Variants in GPC6 observed in about 807,000 individuals in gnomAD.
The protein encoded by GPC6 is glypican 6.
Under a neutral mutation model 55.2 loss-of-function variants are expected in GPC6, and 14 were observed. The ratio of observed to expected loss-of-function variants is 0.25; its 90% CI spans 0.17 to 0.40. The LOEUF is 0.40. GPC6 is among the 10% of genes least tolerant of loss of function. GPC6 has a pLI of 1.00. For synonymous variants in GPC6, 278 were observed against 259.6 expected, an observed-to-expected ratio of 1.07 and a Z score of -0.68; for missense variants, 641 against 708.5, an observed-to-expected ratio of 0.90 and a Z score of 1.08.
At chr13:94,396,989 T>C (rs1272643361) in intron 7 of GPC6, among the ~76,000 whole-genome samples, 2 of 152,172 alleles carry the variant, frequency 1.3e-5, no homozygotes, top group East Asian at 3.9e-4. Context: ...ATCTCCTAGA[T>C]TTGCTGTTGG....
At chr13:93,553,310 C>G (rs1875261349) in intron 2 of GPC6, among the ~76,000 whole-genome samples, 1 of 151,590 alleles carries the variant, frequency 6.6e-6, no homozygotes, top group Non-Finnish European at 1.5e-5. Context: ...TTTTTGTATT[C>G]TAAGAATATG....
At chr13:93,779,974 T>C (rs560963713) in intron 2 of GPC6, among the ~76,000 whole-genome samples, 1 of 152,256 alleles carries the variant, frequency 6.6e-6, no homozygotes, top group South Asian at 2.1e-4. Context: ...ATTCTTTTTT[T>C]CCTTATGGAT....
chr13:93,856,286 T>C (rs1387806954), intron 3 of GPC6, among the ~76,000 whole-genome samples: 1 of 151,554 alleles, frequency 6.6e-6, no homozygotes, highest in Non-Finnish European at 1.5e-5. Flanking sequence ...CAGAATATCG[T>C]GACTCCTAAG....
chr13:93,450,288 G>T (rs1423694532), intron 1 of GPC6, among the ~76,000 whole-genome samples: 2 of 152,196 alleles, frequency 1.3e-5, no homozygotes, highest in African/African-American at 4.8e-5. Context: ...AAAATAACAA[G>T]TCAGCCTTTT....
rs937499468 is a variant in GPC6, at chr13:93,263,095, G to T, written c.160+35479G>T. Among the ~76,000 whole-genome samples, 6 of 152,230 alleles carry T rather than the reference G, an allele frequency of 3.9e-5. No individual in the cohort carries two copies. In the East Asian group the frequency reaches 9.7e-4, roughly 25 times the overall value. On this transcript the variant is annotated intron_variant, in intron 1 of 8. Coordinates refer to ENST00000377047, the MANE Select transcript of GPC6 (RefSeq NM_005708.5). ...TGCTACTAATTTTTACAACAAATAT[G>T]GGTGTTCTGGGAACTGTCATGGCAC...
At chr13:93,218,151 T>C in the GPC6 span, among the ~76,000 whole-genome samples, 1 of 150,926 alleles carries the variant, frequency 6.6e-6, no homozygotes, top group Non-Finnish European at 1.5e-5. Flanking sequence ...TTAAAAAATA[T>C]GCACCAGATT....
chr13:93,863,512 T>G (rs1388707028), intron 3 of GPC6, among the ~76,000 whole-genome samples: 1 of 151,748 alleles, frequency 6.6e-6, no homozygotes, highest in Non-Finnish European at 1.5e-5. Context: ...TTCAGACTTT[T>G]AATATTCTCT....
intron 5 of GPC6, among the ~76,000 whole-genome samples, chr13:94,291,013 G>C (rs112757321): frequency 6.6e-6 from 1 of 152,068 alleles, no homozygotes; most frequent in Non-Finnish European, 1.5e-5. Flanking sequence ...CCAATATGGC[G>C]AAACCCCGTC....
At chr13:93,884,098 G>A (rs887388339) in intron 3 of GPC6, among the ~76,000 whole-genome samples, 2 of 152,112 alleles carry the variant, frequency 1.3e-5, no homozygotes, top group African/African-American at 2.4e-5. Flanking sequence ...AAGAAAAGGT[G>A]CAGCTAAATT....
At chr13:93,687,875 T>A (rs1180255232) in intron 2 of GPC6, among the ~76,000 whole-genome samples, 1 of 150,836 alleles carries the variant, frequency 6.6e-6, no homozygotes, top group African/African-American at 2.5e-5. Context: ...TTCAAAGCCT[T>A]AGGATTTTTG....
At chr13:94,315,003 A>C (rs1876448212) in intron 6 of GPC6, among the ~76,000 whole-genome samples, 1 of 152,246 alleles carries the variant, frequency 6.6e-6, no homozygotes, top group Admixed American at 6.5e-5. Context: ...TAACTGTTAA[A>C]GGTAGAAAGC....
At position 93,385,615 on chromosome 13, in the gene GPC6, G is replaced by A. The variant is rs966111361; in HGVS notation, c.160+157999G>A. On this transcript the variant is annotated intron_variant, in intron 1 of 8. Coordinates refer to ENST00000377047, the MANE Select transcript of GPC6 (RefSeq NM_005708.5). Reference sequence around the variant, plus strand: ...CATGTTTAACTCGACAATCTGAAACGTGGAGAAATGACAGTTGGAGAACAC... The same window carrying A: ...CATGTTTAACTCGACAATCTGAAACATGGAGAAATGACAGTTGGAGAACAC... Among the ~76,000 whole-genome samples, 27 of 152,264 alleles carry A rather than the reference G, an allele frequency of 1.8e-4. No individual in the cohort carries two copies. The East Asian group carries it at 4.8e-3, about 27-fold the overall frequency.
At chr13:93,653,410 T>C (rs1326467446) in intron 2 of GPC6, among the ~76,000 whole-genome samples, 1 of 152,156 alleles carries the variant, frequency 6.6e-6, no homozygotes, top group Non-Finnish European at 1.5e-5. Flanking sequence ...AATTGAACTC[T>C]AAAAAACGTT....
At chr13:93,526,157 G>C (rs962828065) in intron 1 of GPC6, among the ~76,000 whole-genome samples, 1 of 152,024 alleles carries the variant, frequency 6.6e-6, no homozygotes, top group Non-Finnish European at 1.5e-5. Flanking sequence ...GATGAAATGA[G>C]CCTAGAACCT....
chr13:93,667,017 G>A (rs1214872917), intron 2 of GPC6, among the ~76,000 whole-genome samples: 1 of 151,774 alleles, frequency 6.6e-6, no homozygotes, highest in African/African-American at 2.4e-5. Context: ...GAACAATGCT[G>A]TATTTGAAAA....
chr13:93,651,664 G>A (rs1001299080), intron 2 of GPC6, among the ~76,000 whole-genome samples: 3 of 152,132 alleles, frequency 2.0e-5, no homozygotes, highest in African/African-American at 7.2e-5. Context: ...ACACAATGCA[G>A]ACCAGACACT....
At chr13:93,639,874 A>G (rs2139583780) in intron 2 of GPC6, among the ~76,000 whole-genome samples, 1 of 152,156 alleles carries the variant, frequency 6.6e-6, no homozygotes, top group East Asian at 1.9e-4. Context: ...TACTGTAATT[A>G]TAAAGGTAGA....
intron 3 of GPC6, among the ~76,000 whole-genome samples, chr13:93,863,077 T>C (rs1471192520): frequency 2.0e-5 from 3 of 151,694 alleles, no homozygotes; most frequent in African/African-American, 7.3e-5. Context: ...CAAGGTGATA[T>C]GATATGTGCT....
intron 3 of GPC6, among the ~76,000 whole-genome samples, chr13:93,885,482 G>A (rs1875268306): frequency 6.6e-6 from 1 of 150,412 alleles, no homozygotes; most frequent in Non-Finnish European, 1.5e-5. Context: ...GGAAGCAGGA[G>A]AAAAAAAGAA....
Sources: gnomAD v4.1 joint callset for allele counts (sites outside exome capture counted in the v4.1 genomes callset) on GRCh38, gnomAD v4.1.1 for gene constraint, MANE v1.5 for transcripts, NCBI Gene and HGNC (gene_info 2026-07-23, HGNC 2026-07-21) for gene names.